Variants in TBC1D5 observed in about 807,000 individuals in gnomAD.
The protein encoded by TBC1D5 is TBC1 domain family, member 5.
Under a neutral mutation model 100.3 loss-of-function variants are expected in TBC1D5, and 75 were observed. That is an observed-to-expected ratio of 0.75 (90% CI 0.62 to 0.91). TBC1D5 has a LOEUF of 0.91. Among genes scored for constraint, TBC1D5 ranks in the 40% least tolerant of loss-of-function variants. The pLI, the probability that TBC1D5 is intolerant of heterozygous loss-of-function variation, is 0.00. For missense variants in TBC1D5, 910 were observed against 942.4 expected (o/e 0.97, Z 0.45); for synonymous variants, 323 against 325.6 (o/e 0.99, Z 0.09).
intron 1 of TBC1D5, among the ~76,000 whole-genome samples, chr3:17,714,372 G>C (rs1165825503): frequency 1.3e-5 from 2 of 152,136 alleles, no homozygotes; most frequent in Non-Finnish European, 2.9e-5. Context: ...AGGGGAATTT[G>C]GAAGACAGCA....
At chr3:17,443,680 C>T (rs960862075) in intron 3 of TBC1D5, among the ~76,000 whole-genome samples, 5 of 151,986 alleles carry the variant, frequency 3.3e-5, no homozygotes, top group African/African-American at 7.3e-5. Context: ...TAATCTTGAA[C>T]AGAAAAATAG....
chr3:17,635,327 T>G (rs2063812910), intron 1 of TBC1D5, among the ~76,000 whole-genome samples: 1 of 152,194 alleles, frequency 6.6e-6, no homozygotes, highest in Non-Finnish European at 1.5e-5. Flanking sequence ...GTTGATCACT[T>G]TGGTATTTAA....
At chr3:17,464,218 C>A (rs1013641496) in intron 3 of TBC1D5, among the ~76,000 whole-genome samples, 3 of 152,086 alleles carry the variant, frequency 2.0e-5, no homozygotes, top group Non-Finnish European at 4.4e-5. Context: ...TCTCGGCCTC[C>A]CAAAGTGCTG....
intron 1 of TBC1D5, chr3:17,644,012 A>G (rs1268074622): frequency 6.6e-6 from 1 of 152,100 alleles, no homozygotes; most frequent in African/African-American, 2.4e-5. Flanking sequence ...CTCAACCTGA[A>G]ACCTTGCCAC....
intron 1 of TBC1D5, among the ~76,000 whole-genome samples, chr3:17,728,966 T>A (rs1459448568): frequency 7.8e-6 from 1 of 128,332 alleles, no homozygotes; most frequent in African/African-American, 3.0e-5. Context: ...TTCCAATATA[T>A]GATAGGCATA....
intron 1 of TBC1D5, among the ~76,000 whole-genome samples, chr3:17,683,360 G>C (rs1488254907): frequency 1.3e-5 from 2 of 151,134 alleles, no homozygotes; most frequent in African/African-American, 4.9e-5. Context: ...AGACCTGATA[G>C]GAGTGTTGCA....
chr3:17,404,670 G>T, intron 7 of TBC1D5, 24 bp downstream of exon 7: 1 of 1,576,420 alleles, frequency 6.3e-7, no homozygotes, highest in South Asian at 1.2e-5. Context: ...AAGAGGTTAA[G>T]ACATGAACAA....
intron 3 of TBC1D5, among the ~76,000 whole-genome samples, chr3:17,500,670 G>A (rs1033149185): frequency 6.7e-6 from 1 of 149,582 alleles, no homozygotes; most frequent in Non-Finnish European, 1.5e-5. Context: ...TCTCATATCT[G>A]TGGCTTCTAT....
chr3:17,618,684 C>T lies in TBC1D5; in HGVS notation c.-36+5165G>A, dbSNP rs145408078. ...TGCTGTGCTAGCAGTGAGCAAAGCT[C>T]CATGGGCATGGGACCTGCTGAGCCA... On this transcript the variant is annotated intron_variant, in intron 2 of 21. Coordinates refer to ENST00000253692, the Ensembl canonical transcript of TBC1D5. Among the ~76,000 whole-genome samples, 1,371 of 152,362 alleles carry T rather than the reference C, an allele frequency of 9.0e-3. 13 individuals are homozygous for T. The highest frequency in any genetic ancestry group is 0.037 in the Middle Eastern group (11 of 294).
chr3:17,345,295 T>C (rs1575445966), intron 13 of TBC1D5, among the ~76,000 whole-genome samples: 1 of 152,224 alleles, frequency 6.6e-6, no homozygotes, highest in East Asian at 1.9e-4. Context: ...AAGACATTTA[T>C]GCAGCCAAAA....
intron 2 of TBC1D5, among the ~76,000 whole-genome samples, chr3:17,616,710 C>T (rs2153636352): frequency 6.6e-6 from 1 of 152,148 alleles, no homozygotes; most frequent in Middle Eastern, 3.4e-3. Context: ...AGGATTGCAA[C>T]CCCTGCCTTT....
intron 3 of TBC1D5, among the ~76,000 whole-genome samples, chr3:17,489,011 G>A (rs756549267): frequency 8.6e-5 from 13 of 150,966 alleles, no homozygotes; most frequent in South Asian, 8.5e-4. Context: ...ATCCCCCACC[G>A]GACTCCGGTC....
At chr3:17,487,535 T>A in intron 3 of TBC1D5, among the ~76,000 whole-genome samples, 1 of 152,146 alleles carries the variant, frequency 6.6e-6, no homozygotes, top group East Asian at 1.9e-4. Flanking sequence ...GATTAAATCA[T>A]AGAAGGATTT....
At chr3:17,438,827 C>G (rs1259300459) in intron 3 of TBC1D5, among the ~76,000 whole-genome samples, 1 of 152,010 alleles carries the variant, frequency 6.6e-6, no homozygotes, top group Non-Finnish European at 1.5e-5. Flanking sequence ...ACATACCCTC[C>G]TCAAAACAAC....
chr3:17,631,302 A>C (rs993889347), intron 1 of TBC1D5, among the ~76,000 whole-genome samples: 1 of 152,214 alleles, frequency 6.6e-6, no homozygotes, highest in Non-Finnish European at 1.5e-5. Flanking sequence ...GATGAGAGGC[A>C]GTAGTGAGAA....
At chr3:17,699,393 T>C (rs1485874621) in intron 1 of TBC1D5, among the ~76,000 whole-genome samples, 1 of 97,586 alleles carries the variant, frequency 1.0e-5, no homozygotes, top group Non-Finnish European at 2.0e-5. Flanking sequence ...GGGACTGTTG[T>C]GGGGTGGGGG....
intron 1 of TBC1D5, among the ~76,000 whole-genome samples, chr3:17,728,809 T>C (rs1489149323): frequency 1.3e-5 from 2 of 151,956 alleles, no homozygotes; most frequent in Non-Finnish European, 2.9e-5. Context: ...TTTTATAATT[T>C]TGGAATAGGG....
At chr3:17,452,923 A>C (rs73161481) in intron 3 of TBC1D5, among the ~76,000 whole-genome samples, 9,869 of 152,054 alleles carry the variant, frequency 0.065, 612 homozygotes, top group African/African-American at 0.17. Context: ...TTTACAAAAC[A>C]AGTCTTAAAA....
rs2092727933 is a variant in TBC1D5 at position 17,376,759 on chromosome 3, A to G, written c.613-146T>C. The G allele has an allele frequency of 5.5e-6, 3 of 548,114 alleles. No homozygotes were observed. The South Asian group carries it at 1.1e-4, about 21-fold the overall frequency. The allele number at this position is 548,114 out of a possible 1,614,324, so 34.0% of individuals were successfully genotyped here. ...TAGAAACACATAAAAACGGAAAGCT[A>G]CAAGATGAGATTTTTATCTACGTTC... On this transcript the variant is annotated intron_variant, in intron 9 of 21. Coordinates refer to ENST00000253692, the Ensembl canonical transcript of TBC1D5.
Sources: gnomAD v4.1 joint callset for allele counts (sites outside exome capture counted in the v4.1 genomes callset) on GRCh38, gnomAD v4.1.1 for gene constraint, MANE v1.5 for transcripts, NCBI Gene and HGNC (gene_info 2026-07-23, HGNC 2026-07-21) for gene names.